The following GPATCH2L variants were observed in gnomAD, a reference collection of about 807,000 sequenced individuals.
GPATCH2L encodes G patch domain-containing protein 2-like.
In GPATCH2L, 31 loss-of-function variants were observed where a neutral mutation model predicts 57.4. The ratio of observed to expected loss-of-function variants is 0.54; its 90% CI spans 0.41 to 0.73. The LOEUF (loss-of-function observed/expected upper bound fraction) is 0.73. Ranked by LOEUF, GPATCH2L falls within the 30% of genes least tolerant of loss-of-function variation. The pLI is 0.00. For synonymous variants in GPATCH2L, 199 were observed against 210.7 expected, an observed-to-expected ratio of 0.94 and a Z score of 0.48; for missense variants, 481 against 599.9, an observed-to-expected ratio of 0.80 and a Z score of 2.07.
intron 1 of GPATCH2L, among the ~76,000 whole-genome samples, chr14:76,219,881 T>C (rs748372560): frequency 6.6e-6 from 1 of 152,206 alleles, no homozygotes; most frequent in Non-Finnish European, 1.5e-5. Flanking sequence ...TATGTTTTGT[T>C]TGATTGGCCT....
Position 76,232,352 on chromosome 14 carries a change from C to T in GPATCH2L, c.*117+2399C>T, listed in dbSNP as rs752362728. 4.8e-3 allele frequency among the ~76,000 whole-genome samples: 733 copies of T among 152,154 alleles called. 5 individuals carry two copies. Among genetic ancestry groups the T allele is most frequent in the Non-Finnish European group, 7.9e-3 (538 of 67,998 alleles). On this transcript the variant is annotated intron_variant and NMD_transcript_variant, in intron 2 of 3. Coordinates refer to the GPATCH2L transcript ENST00000556372. Reference sequence around the variant, plus strand: ...TCTCACTCTGTCTTCCAGGCTGGAGCGCAATGGCGCCATCTCGGCTCACTG... The same window carrying T: ...TCTCACTCTGTCTTCCAGGCTGGAGTGCAATGGCGCCATCTCGGCTCACTG...
At chr14:76,225,784 A>T (rs181740299) in intron 1 of GPATCH2L, among the ~76,000 whole-genome samples, 2 of 152,324 alleles carry the variant, frequency 1.3e-5, no homozygotes, top group Admixed American at 6.5e-5. Flanking sequence ...AGATGATCCA[A>T]TGAAATTATG....
At chr14:76,227,127 G>A (rs1003819241) in intron 1 of GPATCH2L, among the ~76,000 whole-genome samples, 19 of 152,096 alleles carry the variant, frequency 1.2e-4, no homozygotes, top group African/African-American at 4.6e-4. Flanking sequence ...TGCAATTTGG[G>A]GATCCTTGAG....
intron 3 of GPATCH2L, among the ~76,000 whole-genome samples, chr14:76,167,371 T>A (rs1196506830): frequency 6.6e-6 from 1 of 152,234 alleles, no homozygotes; most frequent in Admixed American, 6.5e-5. Context: ...AAAAATTTTA[T>A]GTAGCCTTTT....
chr14:76,184,173 T>G (rs1306176634), intron 8 of GPATCH2L, among the ~76,000 whole-genome samples: 2 of 152,140 alleles, frequency 1.3e-5, no homozygotes, highest in Non-Finnish European at 1.5e-5. Flanking sequence ...ATTTGCTGTA[T>G]TGCCTCCTGG....
intron 9 of GPATCH2L, chr14:76,196,282 A>T (rs1013595888): frequency 1.2e-5 from 7 of 606,682 alleles, no homozygotes; most frequent in African/African-American, 5.6e-5. Flanking sequence ...GTCCAGGTGA[A>T]GTGGCAGTTC....
At chr14:76,171,381 C>T (rs1280681168) in intron 3 of GPATCH2L, among the ~76,000 whole-genome samples, 1 of 151,894 alleles carries the variant, frequency 6.6e-6, no homozygotes, top group African/African-American at 2.4e-5. Flanking sequence ...CCAAGACCAG[C>T]GTGGCCAACA....
chr14:76,218,033 G>C (rs1025535338), downstream of GPATCH2L, among the ~76,000 whole-genome samples: 25 of 152,120 alleles, frequency 1.6e-4, no homozygotes, highest in Non-Finnish European at 2.9e-4. Context: ...AGGAATGCAA[G>C]GATCATTTAA....
At chr14:76,166,384 C>CGTAA (rs1408659066) in intron 2 of GPATCH2L, among the ~76,000 whole-genome samples, 2 of 152,154 alleles carry the variant, frequency 1.3e-5, no homozygotes, top group African/African-American at 2.4e-5. Context: ...GTTGAGATTA[C>CGTAA]GTCTTTGAGC....
chr14:76,197,806 A>G (rs118117243), intron 9 of GPATCH2L, among the ~76,000 whole-genome samples: 1 of 152,316 alleles, frequency 6.6e-6, no homozygotes, highest in Non-Finnish European at 1.5e-5. Context: ...AAGACTGCAG[A>G]TAGAGGCTTC....
chr14:76,195,775 G>T, intron 8 of GPATCH2L, 103 bp from the exon 9 acceptor site: 1 of 826,282 alleles, frequency 1.2e-6, no homozygotes. Flanking sequence ...TGCCCATTTT[G>T]TTTATGTCTG....
chr14:76,201,417 A>G lies in GPATCH2L; in HGVS notation c.1289-274A>G, dbSNP rs139100418. Among the ~76,000 whole-genome samples the G allele has an allele frequency of 3.3e-3, 510 of 152,350 alleles. 4 individuals are homozygous for G. The highest frequency in any genetic ancestry group is 0.012 in the African/African-American group (500 of 41,586). The stretch of plus-strand genomic sequence containing the variant: ...TAAGCAATACACACATAAGTACGTA[A>G]TAAGTGATTTTTACTACATTATGAA... On this transcript the variant is annotated intron_variant, in intron 9 of 9. Coordinates refer to ENST00000261530, the MANE Select transcript of GPATCH2L (RefSeq NM_017926.4).
At chr14:76,180,179 G>C (rs1027651049) in intron 7 of GPATCH2L, among the ~76,000 whole-genome samples, 3 of 152,138 alleles carry the variant, frequency 2.0e-5, no homozygotes, top group African/African-American at 7.2e-5. Flanking sequence ...CTAGGTGATG[G>C]AGTGATTAGG....
intron 8 of GPATCH2L, among the ~76,000 whole-genome samples, chr14:76,186,697 G>A (rs890433515): frequency 2.0e-5 from 3 of 152,184 alleles, no homozygotes; most frequent in East Asian, 1.9e-4. Context: ...GGAGGGTCTC[G>A]TTGACAGTGG....
At chr14:76,201,419 A>G (rs1481139995) in intron 9 of GPATCH2L, among the ~76,000 whole-genome samples, 4 of 152,188 alleles carry the variant, frequency 2.6e-5, no homozygotes, top group Non-Finnish European at 4.4e-5. Flanking sequence ...AGTACGTAAT[A>G]AGTGATTTTT....
chr14:76,165,593 A>G (rs1042799771), intron 2 of GPATCH2L, among the ~76,000 whole-genome samples: 4 of 152,264 alleles, frequency 2.6e-5, no homozygotes, highest in Admixed American at 1.3e-4. Context: ...AACTTAAAAA[A>G]AAAAAAGAAA....
chr14:76,183,900 T>C (rs2039667451), intron 8 of GPATCH2L, among the ~76,000 whole-genome samples: 1 of 152,188 alleles, frequency 6.6e-6, no homozygotes, highest in Non-Finnish European at 1.5e-5. Flanking sequence ...GGTGAATGAC[T>C]ATACTAAAAA....
chr14:76,219,277 T>C (rs1235390802), downstream of GPATCH2L, among the ~76,000 whole-genome samples: 2 of 152,010 alleles, frequency 1.3e-5, no homozygotes, highest in African/African-American at 4.8e-5. Context: ...CAATCCAGTA[T>C]AAAAATGGGC....
chr14:76,194,214 C>T (rs1246376168), intron 8 of GPATCH2L, among the ~76,000 whole-genome samples: 2 of 152,162 alleles, frequency 1.3e-5, no homozygotes, highest in African/African-American at 4.8e-5. Context: ...CTACTTTACA[C>T]ATTGATAATT....
Sources: gnomAD v4.1 joint callset for allele counts (sites outside exome capture counted in the v4.1 genomes callset) on GRCh38, gnomAD v4.1.1 for gene constraint, MANE v1.5 for transcripts, NCBI Gene and HGNC (gene_info 2026-07-23, HGNC 2026-07-21) for gene names.